The following CRB1 variants were observed in gnomAD, a reference collection of about 807,000 sequenced individuals.
CRB1 encodes the protein protein crumbs homolog 1.
Under a neutral mutation model 120.0 loss-of-function variants are expected in CRB1, and 83 were observed. That is an observed-to-expected ratio of 0.69 (90% confidence interval 0.58 to 0.83). CRB1 has a LOEUF of 0.83. Among genes scored for constraint, CRB1 ranks in the 40% least tolerant of loss-of-function variants. CRB1 has a pLI of 0.00. For missense variants in CRB1, 1,699 were observed against 1,687.6 expected, an observed-to-expected ratio of 1.01 and a Z score of -0.12; for synonymous variants, 625 against 612.5, an observed-to-expected ratio of 1.02 and a Z score of -0.30.
rs2125499296 is a variant in CRB1, at chr1:197,434,911, C to T, written c.3048C>T (p.Asn1016=). 2 of 1,613,862 alleles carry T rather than the reference C, an allele frequency of 1.2e-6. No homozygotes were observed. Among genetic ancestry groups the T allele is most frequent in the Non-Finnish European group, 1.7e-6 (2 of 1,179,844 alleles). Residue 1016 remains asparagine, a synonymous_variant, in exon 9 of 12, where the codon AAC becomes AAT. Coordinates refer to ENST00000367400, the MANE Select transcript of CRB1 (RefSeq NM_201253.3). ...SRLFFQLQSG[N]SFYMLSLTSL... ...TATTCTTTCAATTGCAAAGTGGCAA[C>T]AGCTTTTATATGCTAAGTCTGACAA...
upstream of CRB1, among the ~76,000 whole-genome samples, chr1:197,265,689 C>T (rs1287835789): frequency 1.3e-5 from 2 of 152,178 alleles, no homozygotes; most frequent in African/African-American, 2.4e-5. Context: ...AAGCTCAAAA[C>T]CTGATAAAAT....
At chr1:197,306,862 T>C (rs1657203064) in intron 1 of CRB1, among the ~76,000 whole-genome samples, 1 of 152,158 alleles carries the variant, frequency 6.6e-6, no homozygotes, top group African/African-American at 2.4e-5. Context: ...CAAATGCAAT[T>C]AGCTATTACA....
intron 1 of CRB1, among the ~76,000 whole-genome samples, chr1:197,286,316 T>A (rs1655823478): frequency 6.6e-6 from 1 of 151,880 alleles, no homozygotes; most frequent in Non-Finnish European, 1.5e-5. Context: ...CTGAATCGTA[T>A]AAAACTCCTG....
At chr1:197,345,696 T>C (rs1386209332) in intron 3 of CRB1, among the ~76,000 whole-genome samples, 1 of 151,642 alleles carries the variant, frequency 6.6e-6, no homozygotes, top group African/African-American at 2.4e-5. Context: ...TTAGTAGAGA[T>C]AGGGTTTCAC....
At chr1:197,308,964 A>G (rs1445564507) in intron 1 of CRB1, among the ~76,000 whole-genome samples, 3 of 151,256 alleles carry the variant, frequency 2.0e-5, no homozygotes, top group Non-Finnish European at 1.5e-5. Context: ...ATATGTATAT[A>G]TGTGGGTATA....
intron 1 of CRB1, among the ~76,000 whole-genome samples, chr1:197,277,598 A>T (rs1385601261): frequency 6.6e-6 from 1 of 152,020 alleles, no homozygotes; most frequent in African/African-American, 2.4e-5. Flanking sequence ...TAACTTTTTC[A>T]CATAGGTGAT....
intron 1 of CRB1, among the ~76,000 whole-genome samples, chr1:197,326,740 A>T (rs938256498): frequency 6.6e-6 from 1 of 152,084 alleles, no homozygotes; most frequent in African/African-American, 2.4e-5. Context: ...ATTCAATTTC[A>T]TAATTATTTT....
At chr1:197,383,744 C>T (rs1268188860) in intron 5 of CRB1, among the ~76,000 whole-genome samples, 3 of 152,296 alleles carry the variant, frequency 2.0e-5, no homozygotes, top group Non-Finnish European at 2.9e-5. Flanking sequence ...TTTTCTGGAA[C>T]ATTTTCTCTC....
chr1:197,282,302 A>G (rs980341475), intron 1 of CRB1, among the ~76,000 whole-genome samples: 1 of 151,862 alleles, frequency 6.6e-6, no homozygotes, highest in Non-Finnish European at 1.5e-5. Flanking sequence ...CCTCTGGACT[A>G]CTTATTAGAA....
At chr1:197,361,622 T>C (rs1448735735) in intron 5 of CRB1, among the ~76,000 whole-genome samples, 2 of 152,072 alleles carry the variant, frequency 1.3e-5, no homozygotes, top group Non-Finnish European at 2.9e-5. Context: ...GAGCATAATG[T>C]TGCTCATAAT....
intron 11 of CRB1, among the ~76,000 whole-genome samples, chr1:197,458,884 G>A (rs1327059284): frequency 6.6e-6 from 1 of 152,096 alleles, no homozygotes; most frequent in Non-Finnish European, 1.5e-5. Flanking sequence ...CTGAGTAAAA[G>A]CACAGTATAA....
intron 1 of CRB1, among the ~76,000 whole-genome samples, chr1:197,301,202 A>G (rs1174424183): frequency 6.6e-6 from 1 of 150,918 alleles, no homozygotes; most frequent in African/African-American, 2.4e-5. Context: ...GTATCACTCT[A>G]TCACCCAGGC....
At chr1:197,477,545 C>T (rs767060354) in intron 11 of CRB1, 119 bp from the exon 12 acceptor site, 29 of 840,308 alleles carry the variant, frequency 3.5e-5, no homozygotes, top group Non-Finnish European at 5.7e-5. Context: ...GGTCTTTTTA[C>T]AGTACTGAGT....
chr1:197,400,010 G>A (rs1662978941), intron 5 of CRB1, among the ~76,000 whole-genome samples: 1 of 152,126 alleles, frequency 6.6e-6, no homozygotes, highest in African/African-American at 2.4e-5. Context: ...CAGACTCAAG[G>A]GGAGGGGCTT....
chr1:197,333,257 G>A (rs1386364624), intron 2 of CRB1, among the ~76,000 whole-genome samples: 1 of 152,244 alleles, frequency 6.6e-6, no homozygotes. Flanking sequence ...AGTGATTCAT[G>A]AACTACAGAA....
chr1:197,427,003 G>A (rs1181173570), intron 6 of CRB1, among the ~76,000 whole-genome samples: 1 of 152,194 alleles, frequency 6.6e-6, no homozygotes, highest in African/African-American at 2.4e-5. Context: ...ATGCCTCTAA[G>A]TAGCAAAGAT....
intron 1 of CRB1, among the ~76,000 whole-genome samples, chr1:197,322,081 G>A (rs1658229693): frequency 6.6e-6 from 1 of 152,140 alleles, no homozygotes; most frequent in Non-Finnish European, 1.5e-5. Context: ...AATCACATAT[G>A]GCTTTTGAGC....
chr1:197,342,184 G>T (rs1314940572), intron 2 of CRB1, among the ~76,000 whole-genome samples: 3 of 152,110 alleles, frequency 2.0e-5, no homozygotes, highest in Admixed American at 1.3e-4. Flanking sequence ...TTTCAAGTTA[G>T]ACCCTGGCGT....
chr1:197,230,506 T>C, the CRB1 span, among the ~76,000 whole-genome samples: 1 of 152,204 alleles, frequency 6.6e-6, no homozygotes, highest in Non-Finnish European at 1.5e-5. Context: ...AAGATGGATA[T>C]GACAACTCAA....
Sources: allele counts gnomAD v4.1 joint callset (sites outside exome capture counted in the v4.1 genomes callset), GRCh38; gene constraint gnomAD v4.1.1; transcripts MANE v1.5; gene names NCBI Gene and HGNC (gene_info 2026-07-23, HGNC 2026-07-21).